BTBD9: variants seen among roughly 807,000 people sequenced by gnomAD.
BTBD9 encodes the protein BTB domain containing 9, also known as BTB/POZ domain-containing protein 9.
BTBD9 carries 49 observed loss-of-function variants against 64.3 expected under a neutral mutation model. The ratio of observed to expected loss-of-function variants is 0.76; its 90% CI spans 0.61 to 0.97. The LOEUF is 0.97. Among genes scored for constraint, BTBD9 ranks in the 50% least tolerant of loss-of-function variants. BTBD9 has a pLI of 0.00. For missense variants in BTBD9, 598 were observed against 762.1 expected (o/e 0.78, Z 2.53); for synonymous variants, 260 against 274.7 (o/e 0.95, Z 0.53).
chr6:38,622,977 C>G (rs1361615953), intron 1 of BTBD9, among the ~76,000 whole-genome samples: 1 of 152,158 alleles, frequency 6.6e-6, no homozygotes, highest in Non-Finnish European at 1.5e-5. Flanking sequence ...CTAGTAGATA[C>G]AAAACAGTTT....
intron 6 of BTBD9, among the ~76,000 whole-genome samples, chr6:38,473,592 C>G (rs1055657928): frequency 6.6e-6 from 1 of 152,180 alleles, no homozygotes; most frequent in African/African-American, 2.4e-5. Flanking sequence ...GAGTACAAAT[C>G]CTAAGTACAC....
At chr6:38,321,017 T>A (rs559088332) in intron 7 of BTBD9, among the ~76,000 whole-genome samples, 1 of 152,368 alleles carries the variant, frequency 6.6e-6, no homozygotes, top group East Asian at 1.9e-4. Flanking sequence ...CAGCAATTTC[T>A]GACCTACTGA....
At chr6:38,411,104 C>T (rs541232746) in intron 6 of BTBD9, among the ~76,000 whole-genome samples, 157 of 152,218 alleles carry the variant, frequency 1.0e-3, no homozygotes, top group African/African-American at 2.4e-3. Flanking sequence ...TAGACTTGCA[C>T]GCCGTGTTCT....
intron 9 of BTBD9, among the ~76,000 whole-genome samples, chr6:38,204,803 T>C (rs1561869538): frequency 6.6e-6 from 1 of 151,802 alleles, no homozygotes; most frequent in Non-Finnish European, 1.5e-5. Context: ...TCAGAGGACA[T>C]GGATACAGTT....
intron 6 of BTBD9, among the ~76,000 whole-genome samples, chr6:38,367,481 G>A (rs896019074): frequency 6.6e-6 from 1 of 152,066 alleles, no homozygotes; most frequent in African/African-American, 2.4e-5. Context: ...CTCAAGGACT[G>A]GACTGAGTCC....
chr6:38,527,806 CT>C (rs200439945), intron 6 of BTBD9, among the ~76,000 whole-genome samples: 4 of 150,144 alleles, frequency 2.7e-5, no homozygotes, highest in Non-Finnish European at 5.9e-5. Context: ...ATGATTCCCA[CT>C]TTTTTTTTAA....
chr6:38,328,664 G>C (rs1367723362), intron 7 of BTBD9, among the ~76,000 whole-genome samples: 2 of 148,070 alleles, frequency 1.4e-5, no homozygotes, highest in Non-Finnish European at 3.0e-5. Flanking sequence ...ACGTATATTT[G>C]GGGCCGGGCG....
chr6:38,483,271 CTT>C (rs1771246277), intron 6 of BTBD9, among the ~76,000 whole-genome samples: 1 of 152,092 alleles, frequency 6.6e-6, no homozygotes, highest in Non-Finnish European at 1.5e-5. Flanking sequence ...TAAGCTCTAT[CTT>C]GCTACAACCA....
At chr6:38,336,537 T>G (rs1763899535) in intron 7 of BTBD9, among the ~76,000 whole-genome samples, 1 of 150,534 alleles carries the variant, frequency 6.6e-6, no homozygotes, top group African/African-American at 2.4e-5. Context: ...TTGTGAGAAC[T>G]CACTCACTAT....
At chr6:38,393,511 A>T (rs775949826) in intron 6 of BTBD9, among the ~76,000 whole-genome samples, 3 of 60,064 alleles carry the variant, frequency 5.0e-5, no homozygotes, top group African/African-American at 3.3e-4. Context: ...TTGGTCTAAT[A>T]AAAAAAAAAA....
At chr6:38,562,006 A>C (rs914284208) in intron 6 of BTBD9, among the ~76,000 whole-genome samples, 1 of 152,212 alleles carries the variant, frequency 6.6e-6, no homozygotes, top group Admixed American at 6.5e-5. Flanking sequence ...CCTTATTACC[A>C]ATACCCTGCA....
At chr6:38,333,513 G>A (rs564407436) in intron 7 of BTBD9, among the ~76,000 whole-genome samples, 40 of 152,278 alleles carry the variant, frequency 2.6e-4, no homozygotes, top group East Asian at 9.6e-4. Flanking sequence ...GGAGGTGACT[G>A]AATCATGGGG....
At chr6:38,374,798 T>C (rs1301971265) in intron 6 of BTBD9, among the ~76,000 whole-genome samples, 1 of 152,164 alleles carries the variant, frequency 6.6e-6, no homozygotes, top group East Asian at 1.9e-4. Flanking sequence ...ATACCCCCAC[T>C]GCATCTTAGA....
chr6:38,338,260 T>C lies in BTBD9; in HGVS notation c.1264+6724A>G, dbSNP rs77867222. ...ACACTGGACAAACAGATGATTCACA[T>C]CCCTGGTGGAGCAGAGTGGGATGGC... On this transcript the variant is annotated intron_variant, in intron 7 of 10. Coordinates refer to ENST00000481247, the MANE Select transcript of BTBD9 (RefSeq NM_001099272.2). Among the ~76,000 whole-genome samples, 1,064 of 152,302 alleles carry C rather than the reference T, an allele frequency of 7.0e-3. 11 individuals carry two copies. Among genetic ancestry groups the C allele is most frequent in the African/African-American group, 0.025 (1,025 of 41,550 alleles).
intron 8 of BTBD9, among the ~76,000 whole-genome samples, chr6:38,270,522 G>C (rs1431175928): frequency 6.6e-6 from 1 of 152,154 alleles, no homozygotes; most frequent in Non-Finnish European, 1.5e-5. Context: ...CCTGTGGTGG[G>C]GCAGAAGAGG....
At chr6:38,577,529 A>C in intron 6 of BTBD9, 71 bp downstream of exon 6, 1 of 1,433,202 alleles carries the variant, frequency 7.0e-7, no homozygotes, top group Non-Finnish European at 9.5e-7. Context: ...TGAAAAATGC[A>C]GTTCTGCTTC....
chr6:38,277,495 G>T (rs1385551474), intron 8 of BTBD9, among the ~76,000 whole-genome samples: 1 of 151,890 alleles, frequency 6.6e-6, no homozygotes, highest in South Asian at 2.1e-4. Context: ...CACCACGCCT[G>T]GCTAATTTTT....
At chr6:38,614,797 T>C (rs1279123640) in intron 1 of BTBD9, among the ~76,000 whole-genome samples, 2 of 152,236 alleles carry the variant, frequency 1.3e-5, no homozygotes, top group Non-Finnish European at 2.9e-5. Flanking sequence ...GACCCTCACA[T>C]AGTTCCTAAG....
intron 6 of BTBD9, among the ~76,000 whole-genome samples, chr6:38,455,833 A>G (rs1245886912): frequency 6.6e-6 from 1 of 151,996 alleles, no homozygotes; most frequent in Non-Finnish European, 1.5e-5. Flanking sequence ...ATGCGCCACA[A>G]CACCCGGCTA....
Sources: gnomAD v4.1 joint callset for allele counts (sites outside exome capture counted in the v4.1 genomes callset) on GRCh38, gnomAD v4.1.1 for gene constraint, MANE v1.5 for transcripts, NCBI Gene and HGNC (gene_info 2026-07-23, HGNC 2026-07-21) for gene names.